TAOK1: variants seen among roughly 807,000 people sequenced by gnomAD.
TAOK1 encodes the protein TAO kinase 1.
TAOK1 carries 21 observed loss-of-function variants against 138.3 expected under a neutral mutation model. That is an observed-to-expected ratio of 0.15 (90% CI 0.11 to 0.22). The LOEUF is 0.22. Ranked by LOEUF, TAOK1 falls within the 10% of genes least tolerant of loss-of-function variation. The pLI is 1.00. For synonymous variants in TAOK1, 361 were observed against 398.4 expected (o/e 0.91, Z 1.12); for missense variants, 651 against 1,227.7 (o/e 0.53, Z 7.02).
intron 8 of TAOK1, among the ~76,000 whole-genome samples, chr17:29,483,648 T>C (rs910544473): frequency 2.6e-5 from 4 of 152,212 alleles, no homozygotes; most frequent in Non-Finnish European, 4.4e-5. Context: ...TTGGAATTCC[T>C]CTGTTAACTA....
chr17:29,541,111 A>G (rs11869813), intron 19 of TAOK1, among the ~76,000 whole-genome samples: 75 of 32,152 alleles, frequency 2.3e-3, no homozygotes, highest in African/African-American at 7.9e-3. Context: ...TGTTTTGTTT[A>G]TTTGTTTGTT....
chr17:29,550,263 A>C lies in TAOK1; in HGVS notation c.*7241A>C, dbSNP rs973754052. 6.6e-6 allele frequency: 1 copy of C among 152,212 alleles called. No homozygotes were observed. The highest frequency in any genetic ancestry group is 2.4e-5 in the African/African-American group (1 of 41,462). 9.4% of individuals were successfully genotyped at this position (152,212 alleles called of 1,614,324 possible). ...TTTAGGGAACTCTTTTGCAAAAGCA[A>C]TGGTCGGATGTAAATAACATTTAAA... On this transcript the variant is annotated 3_prime_UTR_variant, in exon 20 of 20. Coordinates refer to ENST00000261716, the MANE Select transcript of TAOK1 (RefSeq NM_020791.4).
At chr17:29,523,011 G>A (rs1183555223) in intron 17 of TAOK1, among the ~76,000 whole-genome samples, 2 of 150,702 alleles carry the variant, frequency 1.3e-5, no homozygotes, top group African/African-American at 2.4e-5. Context: ...GGAGGCAGAG[G>A]TTGCAGTGAG....
intron 17 of TAOK1, among the ~76,000 whole-genome samples, chr17:29,522,857 C>G (rs140039736): frequency 2.1e-3 from 325 of 152,202 alleles, no homozygotes; most frequent in African/African-American, 7.5e-3. Context: ...GGTGGATCAC[C>G]TGAGGTCAGG....
In TAOK1 at chr17:29,425,307, A is replaced by C. The variant is rs182120030; in HGVS notation, c.-94-26148A>C. Among the ~76,000 whole-genome samples the C allele has an allele frequency of 1.7e-3, 261 of 152,286 alleles. 2 individuals are homozygous for C. The highest frequency in any genetic ancestry group is 6.9e-4 in the Non-Finnish European group (47 of 68,026). On this transcript the variant is annotated intron_variant, in intron 1 of 19. Transcript: ENST00000261716. ...AGGCTGGTCTCAAACTCCTGACTTC[A>C]AATGATTCTCCTGCCTTGGCCTCCC...
intron 12 of TAOK1, 65 bp from the exon 13 acceptor site, chr17:29,502,524 A>G (rs1289379576): frequency 6.6e-7 from 1 of 1,514,980 alleles, no homozygotes; most frequent in Non-Finnish European, 8.9e-7. Context: ...TTAAACTTTA[A>G]TTTCCATAAA....
chr17:29,415,848 T>C (rs1350901032), intron 1 of TAOK1, among the ~76,000 whole-genome samples: 1 of 152,214 alleles, frequency 6.6e-6, no homozygotes, highest in Non-Finnish European at 1.5e-5. Flanking sequence ...CGTCTACCAT[T>C]ATGTACAGTT....
At chr17:29,492,993 T>C (rs2031332973) in intron 10 of TAOK1, among the ~76,000 whole-genome samples, 2 of 148,388 alleles carry the variant, frequency 1.3e-5, no homozygotes, top group South Asian at 2.1e-4. Context: ...ATACAAAAAT[T>C]AGCTGGGTGT....
intron 1 of TAOK1, among the ~76,000 whole-genome samples, chr17:29,411,131 G>A (rs1281755524): frequency 4.4e-5 from 5 of 114,204 alleles, no homozygotes; most frequent in Non-Finnish European, 6.7e-5. Context: ...TCGCTCTGTC[G>A]CCCAGGCTGG....
intron 2 of TAOK1, among the ~76,000 whole-genome samples, chr17:29,462,902 T>C (rs1052048741): frequency 6.6e-6 from 1 of 152,218 alleles, no homozygotes; most frequent in Non-Finnish European, 1.5e-5. Flanking sequence ...TTGTTTTTGC[T>C]CTTTTTCTCT....
intron 1 of TAOK1, among the ~76,000 whole-genome samples, chr17:29,418,930 CTTTTTTT>C (rs35692060): frequency 1.6e-4 from 17 of 105,496 alleles, no homozygotes; most frequent in Admixed American, 1.5e-3. Context: ...GGGTGCTTTG[CTTTTTTT>C]TTTTTTTTTT....
At chr17:29,475,812 T>C (rs769749101) in intron 4 of TAOK1, 41 bp downstream of exon 4, 2 of 1,501,482 alleles carry the variant, frequency 1.3e-6, no homozygotes, top group Admixed American at 3.4e-5. Flanking sequence ...TTAGCTGATT[T>C]TGGTTTATAA....
At chr17:29,441,639 C>A (rs1178375829) in intron 1 of TAOK1, among the ~76,000 whole-genome samples, 1 of 152,062 alleles carries the variant, frequency 6.6e-6, no homozygotes, top group Admixed American at 6.6e-5. Context: ...CGGTGGCTCA[C>A]ACCTGTAATC....
At chr17:29,503,439 T>C (rs1405400163) in intron 13 of TAOK1, among the ~76,000 whole-genome samples, 1 of 147,486 alleles carries the variant, frequency 6.8e-6, no homozygotes, top group Non-Finnish European at 1.5e-5. Flanking sequence ...TAAGGAAATA[T>C]ATTATGTGGG....
chr17:29,443,172 T>C (rs1424033853), intron 1 of TAOK1, among the ~76,000 whole-genome samples: 1 of 152,210 alleles, frequency 6.6e-6, no homozygotes, highest in Admixed American at 6.5e-5. Context: ...AAGGGCTTTA[T>C]AATATTAAAT....
intron 2 of TAOK1, among the ~76,000 whole-genome samples, chr17:29,454,849 A>G (rs1001754257): frequency 6.6e-6 from 1 of 151,828 alleles, no homozygotes; most frequent in Admixed American, 6.6e-5. Context: ...CTACAGGAGC[A>G]TGCCACCATG....
intron 11 of TAOK1, among the ~76,000 whole-genome samples, chr17:29,497,743 A>G (rs1477687696): frequency 6.6e-6 from 1 of 151,684 alleles, no homozygotes; most frequent in African/African-American, 2.4e-5. Context: ...AAGACAAGAA[A>G]GGTAATCTAG....
intron 8 of TAOK1, among the ~76,000 whole-genome samples, 153 bp downstream of exon 8, chr17:29,482,441 G>A (rs1201093656): frequency 6.6e-6 from 1 of 152,022 alleles, no homozygotes; most frequent in South Asian, 2.1e-4. Flanking sequence ...TGGTTATTTG[G>A]TAAGTTTTAT....
Position 29,543,370 on chromosome 17 carries a change from GA to G in TAOK1, c.*350del, listed in dbSNP as rs1438023962. ...GATTTTTCTGAACACTGCAAAAATA[GA>G]ACGTAGCAAAATGGCTTCAGTTATC... On this transcript the variant is annotated 3_prime_UTR_variant, in exon 20 of 20. Transcript: ENST00000261716. 1 of 159,890 alleles carries G rather than the reference GA, an allele frequency of 6.3e-6. No homozygotes were observed. The highest frequency in any genetic ancestry group is 2.4e-5 in the African/African-American group (1 of 41,712). 9.9% of individuals were successfully genotyped at this position (159,890 alleles called of 1,614,324 possible).
Sources: gnomAD v4.1 joint callset for allele counts (sites outside exome capture counted in the v4.1 genomes callset) on GRCh38, gnomAD v4.1.1 for gene constraint, MANE v1.5 for transcripts, NCBI Gene and HGNC (gene_info 2026-07-23, HGNC 2026-07-21) for gene names.